Variants in NREP observed in about 807,000 individuals in gnomAD.
The protein encoded by NREP is neuronal regeneration-related protein.
Under a neutral mutation model 8.6 loss-of-function variants are expected in NREP, and 5 were observed. That is an observed-to-expected ratio of 0.58 (90% CI 0.30 to 1.22). The LOEUF (loss-of-function observed/expected upper bound fraction) is 1.22, where lower values mean the gene tolerates loss of function less well. NREP is among the 50% of genes most tolerant of loss of function. NREP has a pLI of 0.07. For synonymous variants in NREP, 27 were observed against 28.0 expected, an observed-to-expected ratio of 0.96 and a Z score of 0.11; for missense variants, 86 against 82.5, an observed-to-expected ratio of 1.04 and a Z score of -0.17.
intron 2 of NREP, among the ~76,000 whole-genome samples, chr5:111,802,016 A>G (rs927166838): frequency 2.6e-5 from 4 of 152,132 alleles, no homozygotes; most frequent in Admixed American, 6.5e-5. Flanking sequence ...CCTACATTCT[A>G]TACCTCAGGA....
At chr5:111,832,654 G>C (rs1362900933) in intron 2 of NREP, among the ~76,000 whole-genome samples, 2 of 152,194 alleles carry the variant, frequency 1.3e-5, no homozygotes, top group Non-Finnish European at 2.9e-5. Flanking sequence ...TTCTCTACCA[G>C]ATGGTTCTGA....
At chr5:111,907,141 G>A (rs978985006) in intron 2 of NREP, among the ~76,000 whole-genome samples, 1 of 151,914 alleles carries the variant, frequency 6.6e-6, no homozygotes, top group Admixed American at 6.6e-5. Flanking sequence ...CCTGTGGCTT[G>A]TCTTTTCATT....
At chr5:111,800,460 C>G (rs905604149) in intron 2 of NREP, among the ~76,000 whole-genome samples, 1 of 152,192 alleles carries the variant, frequency 6.6e-6, no homozygotes, top group Admixed American at 6.5e-5. Flanking sequence ...CTGTTGCTTT[C>G]TTGAAATTCT....
At chr5:111,756,935 C>A (rs952163633) in intron 1 of NREP, among the ~76,000 whole-genome samples, 1 of 152,094 alleles carries the variant, frequency 6.6e-6, no homozygotes, top group Non-Finnish European at 1.5e-5. Context: ...TTAGAAAAAA[C>A]CCAAGTTAAA....
At chr5:111,959,488 C>T (rs1484040733) in intron 2 of NREP, among the ~76,000 whole-genome samples, 1 of 151,886 alleles carries the variant, frequency 6.6e-6, no homozygotes, top group Non-Finnish European at 1.5e-5. Context: ...CACAGATAGT[C>T]TAAACATGAT....
At chr5:111,788,543 T>A (rs1005911467) in intron 2 of NREP, among the ~76,000 whole-genome samples, 13 of 152,120 alleles carry the variant, frequency 8.5e-5, no homozygotes, top group East Asian at 1.9e-4. Context: ...GGGAAGAACA[T>A]AATTCAGTCT....
chr5:111,775,428 G>A (rs143210710), intron 2 of NREP, among the ~76,000 whole-genome samples: 15 of 152,262 alleles, frequency 9.9e-5, no homozygotes, highest in Non-Finnish European at 7.4e-5. Flanking sequence ...CTGAGCACAT[G>A]ATCCTAATGC....
chr5:111,738,105 G>A (rs1749312895), intron 2 of NREP, among the ~76,000 whole-genome samples: 1 of 152,156 alleles, frequency 6.6e-6, no homozygotes, highest in South Asian at 2.1e-4. Flanking sequence ...GTACCTAAAG[G>A]AGATATTTAA....
intron 2 of NREP, among the ~76,000 whole-genome samples, chr5:111,737,725 AAAAAC>A (rs1749261963): frequency 1.4e-5 from 2 of 147,584 alleles, no homozygotes; most frequent in African/African-American, 2.6e-5. Context: ...TAAAAAAAAA[AAAAAC>A]AAAAACAAAA....
intron 2 of NREP, among the ~76,000 whole-genome samples, chr5:111,904,683 A>G (rs1754734742): frequency 6.6e-6 from 1 of 152,128 alleles, no homozygotes; most frequent in Non-Finnish European, 1.5e-5. Context: ...TATAATGAGT[A>G]TTTTGAATTA....
At chr5:111,867,561 A>G (rs1459325751) in intron 2 of NREP, among the ~76,000 whole-genome samples, 2 of 152,134 alleles carry the variant, frequency 1.3e-5, no homozygotes, top group African/African-American at 2.4e-5. Context: ...TAGTGTTTCA[A>G]TATATGAATT....
At chr5:111,746,811 T>TATC in intron 2 of NREP, among the ~76,000 whole-genome samples, 1 of 152,198 alleles carries the variant, frequency 6.6e-6, no homozygotes, top group South Asian at 2.1e-4. Context: ...TCATATGATT[T>TATC]ATCTATTCAA....
intron 2 of NREP, among the ~76,000 whole-genome samples, chr5:111,868,833 C>CT (rs11352654): frequency 0.016 from 2,322 of 143,772 alleles, 34 homozygotes; most frequent in African/African-American, 0.038. Flanking sequence ...TCCAGTTTTT[C>CT]TTTTTTTTTT....
intron 2 of NREP, among the ~76,000 whole-genome samples, chr5:111,816,991 G>A (rs933558283): frequency 1.3e-5 from 2 of 151,954 alleles, no homozygotes; most frequent in African/African-American, 2.4e-5. Flanking sequence ...ATAGGAATTT[G>A]GAATATATTC....
chr5:111,814,605 C>T (rs1752343628), intron 2 of NREP, among the ~76,000 whole-genome samples: 1 of 152,136 alleles, frequency 6.6e-6, no homozygotes, highest in Non-Finnish European at 1.5e-5. Flanking sequence ...CTTTGTTGAG[C>T]AACTATTATG....
At chr5:111,976,887 T>C in exon 1 of NREP, 1 of 611,376 alleles carries the variant, frequency 1.6e-6, no homozygotes, top group Non-Finnish European at 2.9e-6. Context: ...ATGATTGCAC[T>C]GCCTGGAAAA....
At chr5:111,971,111 T>C (rs1756804498) in intron 2 of NREP, among the ~76,000 whole-genome samples, 1 of 152,182 alleles carries the variant, frequency 6.6e-6, no homozygotes, top group Admixed American at 6.5e-5. Context: ...ATTCAATAGA[T>C]TATGCTTTGA....
chr5:111,911,031 C>T (rs1025271212), intron 2 of NREP, among the ~76,000 whole-genome samples: 1 of 151,966 alleles, frequency 6.6e-6, no homozygotes, highest in Non-Finnish European at 1.5e-5. Context: ...CTGACTAATG[C>T]TCTAGGGACA....
chr5:111,766,902 T>C (rs1751097815), intron 2 of NREP, among the ~76,000 whole-genome samples: 2 of 152,374 alleles, frequency 1.3e-5, no homozygotes, highest in South Asian at 2.1e-4. Flanking sequence ...TAATTCTTCA[T>C]TGGTTGCTAA....
Sources: gnomAD v4.1 joint callset for allele counts (sites outside exome capture counted in the v4.1 genomes callset) on GRCh38, gnomAD v4.1.1 for gene constraint, MANE v1.5 for transcripts, NCBI Gene and HGNC (gene_info 2026-07-23, HGNC 2026-07-21) for gene names.